The following GPBP1 variants were observed in gnomAD, a reference collection of about 807,000 sequenced individuals.
GPBP1 encodes vasculin.
GPBP1 carries 13 observed loss-of-function variants against 56.5 expected under a neutral mutation model. The ratio of observed to expected loss-of-function variants is 0.23; its 90% confidence interval spans 0.15 to 0.37. The LOEUF is 0.37. GPBP1 is among the 10% of genes least tolerant of loss of function. The pLI is 1.00. For synonymous variants in GPBP1, 204 were observed against 188.9 expected (o/e 1.08, Z -0.66); for missense variants, 477 against 572.3 (o/e 0.83, Z 1.70).
At chr5:57,196,635 G>A (rs918584723) in intron 2 of GPBP1, among the ~76,000 whole-genome samples, 2 of 151,998 alleles carry the variant, frequency 1.3e-5, no homozygotes, top group Admixed American at 6.6e-5. Context: ...TGTCTTCCAG[G>A]CTGGAGTGAT....
intron 3 of GPBP1, among the ~76,000 whole-genome samples, chr5:57,221,637 T>C (rs1755963662): frequency 6.6e-6 from 1 of 152,360 alleles, no homozygotes; most frequent in African/African-American, 2.4e-5. Context: ...TTTACTATGA[T>C]GAATACATTT....
chr5:57,236,801 A>G (rs925293360), intron 6 of GPBP1, among the ~76,000 whole-genome samples: 4 of 152,180 alleles, frequency 2.6e-5, no homozygotes, highest in African/African-American at 7.2e-5. Context: ...TGCTCAATCC[A>G]TGTTGGAACT....
intron 3 of GPBP1, among the ~76,000 whole-genome samples, chr5:57,221,021 G>A (rs935513527): frequency 2.6e-5 from 4 of 152,046 alleles, no homozygotes; most frequent in East Asian, 3.9e-4. Context: ...CTACTTAAAC[G>A]GCAGTATTTA....
intron 6 of GPBP1, among the ~76,000 whole-genome samples, chr5:57,243,805 C>A (rs1261280305): frequency 6.6e-6 from 1 of 151,676 alleles, no homozygotes; most frequent in Non-Finnish European, 1.5e-5. Context: ...CTATGTCAGC[C>A]CCCCAAGTAG....
chr5:57,240,631 A>T (rs965815719), intron 6 of GPBP1, among the ~76,000 whole-genome samples: 3 of 152,158 alleles, frequency 2.0e-5, no homozygotes, highest in Non-Finnish European at 4.4e-5. Flanking sequence ...AATCTGAGTG[A>T]ATTTATTCAT....
At chr5:57,185,569 A>G (rs774091542) in intron 2 of GPBP1, among the ~76,000 whole-genome samples, 3 of 151,992 alleles carry the variant, frequency 2.0e-5, no homozygotes, top group Non-Finnish European at 2.9e-5. Flanking sequence ...ACGCCTGGCT[A>G]GTTATGTCTT....
At position 57,257,823 on chromosome 5, in the gene GPBP1, G is replaced by A. The variant is rs549741418; in HGVS notation, c.1161-3357G>A. Among the ~76,000 whole-genome samples the A allele has an allele frequency of 3.9e-5, 6 of 152,228 alleles. No individual in the cohort carries two copies. In the East Asian group the frequency reaches 7.7e-4, roughly 20 times the overall value. Reference sequence around the variant, plus strand: ...GGGTTAGACGTAAATAAGGGCAAGCGTGCTAGAAAAAGAAAGGATGTAAAG... The same window carrying A: ...GGGTTAGACGTAAATAAGGGCAAGCATGCTAGAAAAAGAAAGGATGTAAAG... On this transcript the variant is annotated intron_variant, in intron 10 of 11. Transcript: ENST00000506184.
rs147542418 is a variant in GPBP1 at position 57,218,882 on chromosome 5, A to G, written c.63+4689A>G. 4.3e-4 allele frequency among the ~76,000 whole-genome samples: 66 copies of G among 152,328 alleles called. 2 individuals carry two copies. The East Asian group carries it at 9.4e-3, about 22-fold the overall frequency. On this transcript the variant is annotated intron_variant, in intron 3 of 11. Coordinates refer to ENST00000506184, the MANE Select transcript of GPBP1 (RefSeq NM_022913.4). ...TTAAGTTATAAAATTCTCCTATAGAATATAATTTTAGGGTTTGAAGATGGA... is the reference window on the plus strand; with the variant it reads ...TTAAGTTATAAAATTCTCCTATAGAGTATAATTTTAGGGTTTGAAGATGGA...
chr5:57,205,023 T>TA (rs779283917), intron 2 of GPBP1, among the ~76,000 whole-genome samples: 9 of 152,184 alleles, frequency 5.9e-5, no homozygotes, highest in Non-Finnish European at 1.3e-4. Flanking sequence ...AGTACATTCA[T>TA]AGTGTTTTCA....
At chr5:57,202,207 A>G (rs976984581) in intron 2 of GPBP1, among the ~76,000 whole-genome samples, 1 of 151,402 alleles carries the variant, frequency 6.6e-6, no homozygotes, top group East Asian at 1.9e-4. Context: ...CTGGTCTCAA[A>G]CTCCTGGGCC....
At chr5:57,182,768 C>G (rs1347877141) in intron 2 of GPBP1, among the ~76,000 whole-genome samples, 1 of 152,066 alleles carries the variant, frequency 6.6e-6, no homozygotes, top group Non-Finnish European at 1.5e-5. Flanking sequence ...ACTGCCATCT[C>G]GACCTCCTAG....
chr5:57,264,083 A>ACT lies in GPBP1; in HGVS notation c.*1333_*1334dup, dbSNP rs1175896976. ...ATTTCTGCATAAATACCCTACCTGG[A>ACT]CTCCCCAGTTTTCACCAGAAACTGT... On this transcript the variant is annotated 3_prime_UTR_variant, in exon 12 of 12. Coordinates refer to ENST00000506184, the MANE Select transcript of GPBP1 (RefSeq NM_022913.4). 1.3e-5 allele frequency: 2 copies of ACT among 151,446 alleles called. No individual in the cohort carries two copies. Among genetic ancestry groups the ACT allele is most frequent in the Non-Finnish European group, 2.9e-5 (2 of 67,868 alleles). 9.4% of individuals were successfully genotyped at this position (151,446 alleles called of 1,614,324 possible).
intron 2 of GPBP1, among the ~76,000 whole-genome samples, chr5:57,188,412 G>A (rs1267118652): frequency 6.6e-6 from 1 of 151,962 alleles, no homozygotes; most frequent in East Asian, 1.9e-4. Context: ...CTTAACTGCC[G>A]TCTTGACTTC....
chr5:57,230,276 G>A (rs889278216), intron 3 of GPBP1, among the ~76,000 whole-genome samples: 3 of 152,148 alleles, frequency 2.0e-5, no homozygotes, highest in African/African-American at 7.2e-5. Context: ...TTTGATTGTG[G>A]TTTTATCAGA....
At chr5:57,195,262 C>T (rs868306701) in intron 2 of GPBP1, among the ~76,000 whole-genome samples, 3 of 152,150 alleles carry the variant, frequency 2.0e-5, no homozygotes, top group South Asian at 2.1e-4. Context: ...CTCAAGTGGT[C>T]CTCCCATGTC....
Position 57,174,111 on chromosome 5 carries a change from GA to G in GPBP1, c.-1107del. On this transcript the variant is annotated 5_prime_UTR_variant, in exon 1 of 12. Transcript: ENST00000506184. Reference sequence around the variant, plus strand: ...GGACTGAGACTGGTTGTGGGGGAGGGAAAAGCGGCAAAAGGGGATTATTCAA... The same window carrying G: ...GGACTGAGACTGGTTGTGGGGGAGGGAAAGCGGCAAAAGGGGATTATTCAA... 1.3e-5 allele frequency: 2 copies of G among 153,216 alleles called. No homozygotes were observed. Among genetic ancestry groups the G allele is most frequent in the Non-Finnish European group, 1.5e-5 (1 of 68,432 alleles). 9.5% of individuals were successfully genotyped at this position (153,216 alleles called of 1,614,324 possible).
chr5:57,201,621 GACACCTAA>G (rs1276134596), intron 2 of GPBP1, among the ~76,000 whole-genome samples: 1 of 152,132 alleles, frequency 6.6e-6, no homozygotes, highest in Non-Finnish European at 1.5e-5. Context: ...TAGGGTAGCC[GACACCTAA>G]GGTGGCCTCT....
intron 3 of GPBP1, among the ~76,000 whole-genome samples, chr5:57,221,889 T>C (rs1288641089): frequency 6.6e-6 from 1 of 152,228 alleles, no homozygotes; most frequent in Non-Finnish European, 1.5e-5. Flanking sequence ...ATTTTTGCTG[T>C]TCTGAAGGTA....
At chr5:57,260,777 C>T (rs1741863006) in intron 10 of GPBP1, among the ~76,000 whole-genome samples, 1 of 152,046 alleles carries the variant, frequency 6.6e-6, no homozygotes, top group Non-Finnish European at 1.5e-5. Flanking sequence ...AATGAAGTAG[C>T]TATTGATGCA....
Sources: allele counts gnomAD v4.1 joint callset (sites outside exome capture counted in the v4.1 genomes callset), GRCh38; gene constraint gnomAD v4.1.1; transcripts MANE v1.5; gene names NCBI Gene and HGNC (gene_info 2026-07-23, HGNC 2026-07-21).